CNST: variants seen among roughly 807,000 people sequenced by gnomAD.
CNST encodes consortin, connexin sorting protein, also known as consortin.
A neutral mutation model predicts 72.4 loss-of-function variants in CNST; 39 were observed. The observed-to-expected ratio is 0.54, with a 90% CI of 0.42 to 0.70. CNST has a LOEUF of 0.70. Ranked by LOEUF, CNST falls within the 30% of genes least tolerant of loss-of-function variation. The probability of loss-of-function intolerance (pLI) is 0.00; values close to 1 mark genes in which losing one functional copy is unlikely to be tolerated. For synonymous variants in CNST, 332 were observed against 320.1 expected (o/e 1.04, Z -0.40); for missense variants, 871 against 868.5 (o/e 1.00, Z -0.04).
chr1:246,613,831 C>T (rs982932278), intron 2 of CNST, among the ~76,000 whole-genome samples: 1 of 147,548 alleles, frequency 6.8e-6, no homozygotes, highest in Non-Finnish European at 1.5e-5. Context: ...GTAGCTGGAA[C>T]TACAGGTGCA....
At chr1:246,632,434 AC>A in intron 4 of CNST, 1 of 208,064 alleles carries the variant, frequency 4.8e-6, no homozygotes, top group Non-Finnish European at 1.0e-5. Flanking sequence ...GCAGTAAGGG[AC>A]CCCCATTTTA....
intron 2 of CNST, among the ~76,000 whole-genome samples, chr1:246,611,180 AGCTGG>A (rs1182030942): frequency 6.6e-6 from 1 of 152,148 alleles, no homozygotes; most frequent in Non-Finnish European, 1.5e-5. Context: ...GCTGCTGTTG[AGCTGG>A]GGAAAGGGGT....
chr1:246,640,916 C>G (rs560537604), intron 6 of CNST, among the ~76,000 whole-genome samples: 1 of 152,196 alleles, frequency 6.6e-6, no homozygotes, highest in Non-Finnish European at 1.5e-5. Flanking sequence ...CACTACCACT[C>G]TGAGCAAGGT....
At chr1:246,620,963 C>T (rs1235343428) in intron 2 of CNST, among the ~76,000 whole-genome samples, 3 of 152,218 alleles carry the variant, frequency 2.0e-5, no homozygotes, top group African/African-American at 4.8e-5. Context: ...CTTTCTGAGG[C>T]AGTCTAGCTA....
chr1:246,622,883 G>A (rs1467444519), intron 3 of CNST, among the ~76,000 whole-genome samples: 1 of 152,120 alleles, frequency 6.6e-6, no homozygotes, highest in Non-Finnish European at 1.5e-5. Context: ...GAGTGCAGCG[G>A]CATGATCTCA....
At chr1:246,659,406 A>G (rs551434892) in intron 9 of CNST, among the ~76,000 whole-genome samples, 75 of 152,264 alleles carry the variant, frequency 4.9e-4, no homozygotes, top group Middle Eastern at 3.4e-3. Flanking sequence ...CATCCTGGCT[A>G]ACTCGGTGAA....
rs1553384186 is a variant in CNST, at chr1:246,645,424, C to CTTTTTTT, written c.938-1700_938-1694dup. Among the ~76,000 whole-genome samples, 682 of 105,956 alleles carry CTTTTTTT rather than the reference C, an allele frequency of 6.4e-3. 40 individuals are homozygous for CTTTTTTT. Among genetic ancestry groups the CTTTTTTT allele is most frequent in the African/African-American group, 0.017 (525 of 30,256 alleles). 69.5% of individuals were successfully genotyped at this position (105,956 alleles called of 152,430 possible). ...ACATATTAGTATAAAAAGGTTAAAA[C>CTTTTTTT]TTTTTTTTTTTTTTTTTTTTTGAGA... On this transcript the variant is annotated intron_variant, in intron 8 of 10. Transcript: ENST00000366513.
At chr1:246,624,741 G>T (rs183584219) in intron 3 of CNST, among the ~76,000 whole-genome samples, 1 of 152,324 alleles carries the variant, frequency 6.6e-6, no homozygotes, top group Admixed American at 6.5e-5. Flanking sequence ...ACCTAGATTT[G>T]CCAGTTGTTG....
intron 9 of CNST, among the ~76,000 whole-genome samples, chr1:246,654,822 TG>T (rs1421874036): frequency 1.6e-4 from 5 of 30,868 alleles, no homozygotes; most frequent in Non-Finnish European, 3.3e-4. Context: ...TGCTTATCTG[TG>T]TTTTTTTTTT....
intron 2 of CNST, among the ~76,000 whole-genome samples, chr1:246,596,539 G>C (rs1661898349): frequency 6.6e-6 from 1 of 152,102 alleles, no homozygotes; most frequent in Non-Finnish European, 1.5e-5. Flanking sequence ...AAAAACAATG[G>C]AAATTAATGT....
At chr1:246,625,357 C>T (rs191370314) in intron 3 of CNST, among the ~76,000 whole-genome samples, 34 of 149,882 alleles carry the variant, frequency 2.3e-4, no homozygotes, top group African/African-American at 6.3e-4. Flanking sequence ...CATTTATGAA[C>T]AGTCTAAGAA....
At chr1:246,640,069 C>A (rs1420765053) in intron 6 of CNST, among the ~76,000 whole-genome samples, 1 of 152,200 alleles carries the variant, frequency 6.6e-6, no homozygotes, top group East Asian at 1.9e-4. Flanking sequence ...TTCATCCCCC[C>A]AAGCTTTCAG....
At chr1:246,621,398 C>T in intron 2 of CNST, 31 bp from the exon 3 acceptor site, 1 of 1,509,500 alleles carries the variant, frequency 6.6e-7, no homozygotes, top group South Asian at 1.1e-5. Flanking sequence ...GGAATTGATC[C>T]TAACATAGGC....
At chr1:246,584,136 C>G (rs1194019214) in intron 1 of CNST, among the ~76,000 whole-genome samples, 1 of 152,190 alleles carries the variant, frequency 6.6e-6, no homozygotes, top group Non-Finnish European at 1.5e-5. Context: ...GAGATGGGGT[C>G]TCGCTTCAAG....
At chr1:246,634,955 GC>G (rs1665066835) in intron 6 of CNST, among the ~76,000 whole-genome samples, 1 of 47,890 alleles carries the variant, frequency 2.1e-5, no homozygotes, top group African/African-American at 8.8e-5. Context: ...CCTCGGTGGT[GC>G]GTGTCTTCCG....
intron 1 of CNST, among the ~76,000 whole-genome samples, chr1:246,579,532 G>A (rs1261483796): frequency 2.0e-5 from 3 of 152,206 alleles, no homozygotes; most frequent in African/African-American, 7.2e-5. Context: ...ACTTTGGGAG[G>A]CCAAAACAGG....
chr1:246,629,444 T>C (rs973521665), intron 3 of CNST, among the ~76,000 whole-genome samples: 4 of 152,232 alleles, frequency 2.6e-5, no homozygotes, highest in Non-Finnish European at 5.9e-5. Flanking sequence ...TCTGCATAGT[T>C]ACTTTATGGT....
chr1:246,582,290 G>A (rs1171964454), intron 1 of CNST, among the ~76,000 whole-genome samples: 1 of 152,038 alleles, frequency 6.6e-6, no homozygotes, highest in Admixed American at 6.6e-5. Context: ...CCTGGAGGTG[G>A]GTTCATAACT....
intron 9 of CNST, among the ~76,000 whole-genome samples, chr1:246,658,725 ATG>A (rs1666899192): frequency 1.0e-5 from 1 of 99,308 alleles, no homozygotes; most frequent in Admixed American, 1.1e-4. Context: ...CAAGTCACTG[ATG>A]CCAGCAAGTC....
Sources: allele counts gnomAD v4.1 joint callset (sites outside exome capture counted in the v4.1 genomes callset), GRCh38; gene constraint gnomAD v4.1.1; transcripts MANE v1.5; gene names NCBI Gene and HGNC (gene_info 2026-07-23, HGNC 2026-07-21).